CFAP95: variants seen among roughly 807,000 people sequenced by gnomAD.
CFAP95 encodes the protein cilia and flagella associated protein 95, also known as cilia- and flagella-associated protein 95.
At chr9:69,843,506 CCTCCTCCTCCTCCTCCTCCTCCTCCT>C in the CFAP95 span, among the ~76,000 whole-genome samples, 11 of 1,952 alleles carry the variant, frequency 5.6e-3, no homozygotes, top group East Asian at 0.036. Flanking sequence ...CTCCTCCCCC[CCTCCTCCTCCTCCTCCTCCTCCTCCT>C]CCTCCTCCTC....
At chr9:69,883,774 CT>C in the CFAP95 span, among the ~76,000 whole-genome samples, 12 of 151,294 alleles carry the variant, frequency 7.9e-5, no homozygotes, top group African/African-American at 2.9e-4. Context: ...GGTCTTCTCT[CT>C]TTTTGTCTTA....
At chr9:69,901,315 A>T in the CFAP95 span, among the ~76,000 whole-genome samples, 1 of 151,736 alleles carries the variant, frequency 6.6e-6, no homozygotes, top group African/African-American at 2.4e-5. Flanking sequence ...ATTTTTGTAT[A>T]TTTAGTAGAG....
chr9:69,897,376 T>C, the CFAP95 span, among the ~76,000 whole-genome samples: 43,184 of 152,118 alleles, frequency 0.28, 6,677 homozygotes, highest in Non-Finnish European at 0.34. Flanking sequence ...ACTGACTAAT[T>C]TGGCCAGGAA....
the CFAP95 span, among the ~76,000 whole-genome samples, chr9:69,899,153 ACT>A: frequency 6.6e-6 from 1 of 152,140 alleles, no homozygotes; most frequent in African/African-American, 2.4e-5. Context: ...CCTTAAGTAA[ACT>A]CTGTCACAAC....
At chr9:69,834,424 T>C in the CFAP95 span, among the ~76,000 whole-genome samples, 1 of 152,212 alleles carries the variant, frequency 6.6e-6, no homozygotes, top group African/African-American at 2.4e-5. Flanking sequence ...AGCATCTTAT[T>C]TCCCTCTAAA....
the CFAP95 span, among the ~76,000 whole-genome samples, chr9:69,825,433 C>T: frequency 1.3e-5 from 2 of 152,082 alleles, no homozygotes; most frequent in African/African-American, 2.4e-5. Flanking sequence ...GTAATATCTC[C>T]AAAATCCTTT....
At chr9:69,893,235 T>G in the CFAP95 span, among the ~76,000 whole-genome samples, 2 of 152,274 alleles carry the variant, frequency 1.3e-5, no homozygotes, top group South Asian at 4.2e-4. Flanking sequence ...CTCACTTACC[T>G]ACCTGCAAGG....
chr9:69,870,242 C>T, the CFAP95 span, among the ~76,000 whole-genome samples: 23 of 151,772 alleles, frequency 1.5e-4, no homozygotes, highest in Non-Finnish European at 2.6e-4. Flanking sequence ...AGTTAGGCAC[C>T]GGGAATATAG....
At chr9:69,821,033 T>C in the CFAP95 span, 1 of 1,612,670 alleles carries the variant, frequency 6.2e-7, no homozygotes, top group Non-Finnish European at 8.5e-7. Flanking sequence ...GTATTCCTGG[T>C]GAGCGAAGTC....
the CFAP95 span, among the ~76,000 whole-genome samples, chr9:69,857,731 TTGC>T: frequency 6.6e-6 from 1 of 152,288 alleles, no homozygotes; most frequent in South Asian, 2.1e-4. Flanking sequence ...TTTTACCATG[TTGC>T]CCAGGCTGGT....
the CFAP95 span, among the ~76,000 whole-genome samples, chr9:69,873,366 A>C: frequency 1.3e-5 from 2 of 152,158 alleles, no homozygotes; most frequent in African/African-American, 2.4e-5. Flanking sequence ...CAGCAGGTAG[A>C]AGTAGGAGGA....
chr9:69,841,785 C>A, the CFAP95 span, among the ~76,000 whole-genome samples: 1 of 152,126 alleles, frequency 6.6e-6, no homozygotes, highest in Non-Finnish European at 1.5e-5. Context: ...CAAGAGAGAG[C>A]TTGTGTAGGG....
the CFAP95 span, among the ~76,000 whole-genome samples, chr9:69,839,549 T>C: frequency 1.3e-5 from 2 of 151,898 alleles, no homozygotes; most frequent in Non-Finnish European, 2.9e-5. Flanking sequence ...GCCTCAGGCC[T>C]CTGAGTAGCT....
chr9:69,836,071 C>T, the CFAP95 span, among the ~76,000 whole-genome samples: 1 of 152,184 alleles, frequency 6.6e-6, no homozygotes, highest in Non-Finnish European at 1.5e-5. Context: ...TAAATCTATT[C>T]AGTTTGAAGG....
At chr9:69,900,906 T>G in the CFAP95 span, among the ~76,000 whole-genome samples, 1 of 152,150 alleles carries the variant, frequency 6.6e-6, no homozygotes, top group African/African-American at 2.4e-5. Flanking sequence ...AGGGTACATG[T>G]GCACAACGTG....
chr9:69,860,206 G>T, the CFAP95 span, among the ~76,000 whole-genome samples: 5 of 152,086 alleles, frequency 3.3e-5, no homozygotes, highest in Admixed American at 2.6e-4. Flanking sequence ...GGTTTATTTG[G>T]CTCACAGTTC....
the CFAP95 span, chr9:69,856,570 A>G: frequency 1.2e-6 from 2 of 1,606,866 alleles, no homozygotes; most frequent in Admixed American, 1.7e-5. Context: ...GACATCAGAA[A>G]CACATGAAAA....
chr9:69,824,071 A>G, the CFAP95 span, among the ~76,000 whole-genome samples: 1 of 152,188 alleles, frequency 6.6e-6, no homozygotes, highest in African/African-American at 2.4e-5. Flanking sequence ...ATTGACCTCA[A>G]GGAGCTCCAT....
chr9:69,873,900 G>A, the CFAP95 span, among the ~76,000 whole-genome samples: 2 of 152,188 alleles, frequency 1.3e-5, no homozygotes, highest in African/African-American at 2.4e-5. Flanking sequence ...AGCTGTAGAC[G>A]TTTTAACTCA....
Sources: allele counts gnomAD v4.1 joint callset (sites outside exome capture counted in the v4.1 genomes callset), GRCh38; gene constraint gnomAD v4.1.1; transcripts MANE v1.5; gene names NCBI Gene and HGNC (gene_info 2026-07-23, HGNC 2026-07-21).